SLC2A13: variants seen among roughly 807,000 people sequenced by gnomAD.
The protein encoded by SLC2A13 is proton myo-inositol cotransporter.
Under a neutral mutation model 64.4 loss-of-function variants are expected in SLC2A13, and 32 were observed. The observed-to-expected ratio is 0.50, with a 90% CI of 0.37 to 0.67. The LOEUF (loss-of-function observed/expected upper bound fraction) is 0.67, where lower values mean the gene tolerates loss of function less well. SLC2A13 is among the 30% of genes least tolerant of loss of function. The pLI, the probability that SLC2A13 is intolerant of heterozygous loss-of-function variation, is 0.00. For synonymous variants in SLC2A13, 338 were observed against 327.1 expected, an observed-to-expected ratio of 1.03 and a Z score of -0.36; for missense variants, 743 against 829.2, an observed-to-expected ratio of 0.90 and a Z score of 1.28.
chr12:39,836,919 G>A (rs1383931044), intron 6 of SLC2A13, among the ~76,000 whole-genome samples: 1 of 31,126 alleles, frequency 3.2e-5, no homozygotes, highest in Non-Finnish European at 6.0e-5. Context: ...ACTGCCCAAG[G>A]TAATTTACAG....
At chr12:39,796,166 T>C (rs1941567252) in intron 7 of SLC2A13, among the ~76,000 whole-genome samples, 1 of 152,174 alleles carries the variant, frequency 6.6e-6, no homozygotes, top group Non-Finnish European at 1.5e-5. Context: ...AGACCTAACA[T>C]GTTTCCAAGG....
chr12:39,882,297 G>C (rs1053036420), intron 4 of SLC2A13, among the ~76,000 whole-genome samples: 1 of 152,138 alleles, frequency 6.6e-6, no homozygotes, highest in African/African-American at 2.4e-5. Flanking sequence ...CTAGGACCAA[G>C]AATTTGCCTT....
chr12:39,918,922 T>G (rs565840338), intron 4 of SLC2A13, among the ~76,000 whole-genome samples: 95 of 150,502 alleles, frequency 6.3e-4, no homozygotes, highest in Non-Finnish European at 1.3e-3. Flanking sequence ...TCTAGATCAT[T>G]TCAGGTTATA....
chr12:39,848,015 A>G (rs980211370), intron 6 of SLC2A13, among the ~76,000 whole-genome samples: 3 of 152,124 alleles, frequency 2.0e-5, no homozygotes, highest in African/African-American at 7.2e-5. Flanking sequence ...CATGGTTAGC[A>G]TTCAGTAATG....
chr12:39,847,853 A>C (rs1406881087), intron 6 of SLC2A13, among the ~76,000 whole-genome samples: 1 of 152,186 alleles, frequency 6.6e-6, no homozygotes, highest in East Asian at 1.9e-4. Flanking sequence ...CTGAAAAAGC[A>C]AGTCTACCCA....
At chr12:40,097,561 G>GA (rs1194799959) in intron 1 of SLC2A13, among the ~76,000 whole-genome samples, 2 of 152,076 alleles carry the variant, frequency 1.3e-5, no homozygotes, top group Admixed American at 6.6e-5. Context: ...TCAGGGACGT[G>GA]AAAATGCAAT....
At chr12:39,942,548 T>G (rs1340424130) in intron 4 of SLC2A13, among the ~76,000 whole-genome samples, 1 of 152,218 alleles carries the variant, frequency 6.6e-6, no homozygotes, top group Non-Finnish European at 1.5e-5. Context: ...TACTGATTTG[T>G]GTATATTAAT....
At chr12:39,771,646 AT>A (rs1466680783) in intron 7 of SLC2A13, among the ~76,000 whole-genome samples, 4 of 152,152 alleles carry the variant, frequency 2.6e-5, no homozygotes, top group African/African-American at 4.8e-5. Context: ...AGGAAGTGCT[AT>A]ATTATTAATG....
chr12:40,060,236 T>C (rs1486205540), intron 1 of SLC2A13, among the ~76,000 whole-genome samples: 1 of 152,146 alleles, frequency 6.6e-6, no homozygotes, highest in Non-Finnish European at 1.5e-5. Flanking sequence ...GATAGGTATA[T>C]GGCTAAAGAT....
chr12:40,058,197 C>G (rs1948364700), intron 1 of SLC2A13, among the ~76,000 whole-genome samples: 1 of 152,054 alleles, frequency 6.6e-6, no homozygotes, highest in Admixed American at 6.6e-5. Flanking sequence ...TGTCACATAA[C>G]TTGTTTTCCC....
intron 9 of SLC2A13, among the ~76,000 whole-genome samples, chr12:39,761,703 G>C (rs1340750047): frequency 9.2e-5 from 14 of 151,950 alleles, no homozygotes; most frequent in African/African-American, 3.1e-4. Context: ...GGTAGGAAGA[G>C]AAATGGAATC....
At chr12:39,795,395 C>T (rs1216859440) in intron 7 of SLC2A13, among the ~76,000 whole-genome samples, 3 of 152,020 alleles carry the variant, frequency 2.0e-5, no homozygotes, top group African/African-American at 4.8e-5. Flanking sequence ...TGCTTATTGT[C>T]TGCTCATATT....
intron 3 of SLC2A13, among the ~76,000 whole-genome samples, chr12:40,026,072 G>A (rs1340244627): frequency 6.6e-6 from 1 of 152,158 alleles, no homozygotes; most frequent in African/African-American, 2.4e-5. Flanking sequence ...TCAATCACTG[G>A]TGCCATGTAA....
At chr12:39,780,385 T>C (rs929781122) in intron 7 of SLC2A13, among the ~76,000 whole-genome samples, 4 of 152,170 alleles carry the variant, frequency 2.6e-5, no homozygotes, top group Admixed American at 2.6e-4. Flanking sequence ...AGAGATGAAA[T>C]GAAAACTGCT....
At chr12:39,854,608 C>T (rs1943556942) in intron 6 of SLC2A13, among the ~76,000 whole-genome samples, 1 of 152,156 alleles carries the variant, frequency 6.6e-6, no homozygotes, top group Non-Finnish European at 1.5e-5. Flanking sequence ...GACTCTTCTC[C>T]CTCCAATCTA....
chr12:39,935,117 C>T (rs770898497), intron 4 of SLC2A13, among the ~76,000 whole-genome samples: 29 of 152,218 alleles, frequency 1.9e-4, no homozygotes, highest in African/African-American at 6.3e-4. Flanking sequence ...TGGCTGGGAC[C>T]GGTGGCTCAT....
chr12:39,846,194 C>A (rs879936587), intron 6 of SLC2A13, among the ~76,000 whole-genome samples: 16 of 152,116 alleles, frequency 1.1e-4, no homozygotes, highest in African/African-American at 1.7e-4. Flanking sequence ...TCTAGAAAAA[C>A]CAAGGTGGTG....
chr12:39,961,681 T>C (rs912513968), intron 3 of SLC2A13, among the ~76,000 whole-genome samples: 1 of 151,560 alleles, frequency 6.6e-6, no homozygotes, highest in Admixed American at 6.6e-5. Flanking sequence ...AAAAAATTTT[T>C]TTTTTAGAGG....
At chr12:39,915,188 T>C (rs183868492) in intron 4 of SLC2A13, among the ~76,000 whole-genome samples, 54 of 152,144 alleles carry the variant, frequency 3.5e-4, no homozygotes, top group African/African-American at 1.3e-3. Flanking sequence ...TCTAGGATGA[T>C]ATTATAAAAC....
Sources: gnomAD v4.1 joint callset for allele counts (sites outside exome capture counted in the v4.1 genomes callset) on GRCh38, gnomAD v4.1.1 for gene constraint, MANE v1.5 for transcripts, NCBI Gene and HGNC (gene_info 2026-07-23, HGNC 2026-07-21) for gene names.